Variants in SH3GL2 observed in about 807,000 individuals in gnomAD.
The protein encoded by SH3GL2 is endophilin-A1.
In SH3GL2, 24 loss-of-function variants were observed where a neutral mutation model predicts 46.0. The observed-to-expected ratio is 0.52, with a 90% confidence interval of 0.38 to 0.73. The LOEUF (loss-of-function observed/expected upper bound fraction) is 0.73. SH3GL2 is among the 30% of genes least tolerant of loss of function. The probability of loss-of-function intolerance (pLI) is 0.00; values close to 1 mark genes in which losing one functional copy is unlikely to be tolerated. For synonymous variants in SH3GL2, 196 were observed against 147.1 expected, an observed-to-expected ratio of 1.33 and a Z score of -2.40; for missense variants, 413 against 424.2, an observed-to-expected ratio of 0.97 and a Z score of 0.23.
chr9:17,661,684 A>C (rs1267717386), intron 1 of SH3GL2, among the ~76,000 whole-genome samples: 1 of 152,210 alleles, frequency 6.6e-6, no homozygotes, highest in Non-Finnish European at 1.5e-5. Flanking sequence ...GTATTGATGT[A>C]ATCTTTTTTT....
rs544546549 is a variant in SH3GL2, at chr9:17,630,216, A to G, written c.45+50929A>G. Reference sequence around the variant, plus strand: ...CTGGGTTTGTGGTAGTTAGAAAGCTATACAATACCTTTACCAGTCTTTTTG... The same window carrying G: ...CTGGGTTTGTGGTAGTTAGAAAGCTGTACAATACCTTTACCAGTCTTTTTG... On this transcript the variant is annotated intron_variant, in intron 1 of 8. Transcript: ENST00000380607. 2.6e-5 allele frequency: 4 copies of G among 152,356 alleles called. No homozygotes were observed. The South Asian group carries it at 6.2e-4, about 24-fold the overall frequency. 9.4% of individuals were successfully genotyped at this position (152,356 alleles called of 1,614,324 possible).
At chr9:17,628,474 A>G (rs542388464) in intron 1 of SH3GL2, among the ~76,000 whole-genome samples, 2 of 150,814 alleles carry the variant, frequency 1.3e-5, no homozygotes, top group Non-Finnish European at 3.0e-5. Context: ...ACATTTATCT[A>G]TTTGTGTAAG....
At chr9:17,787,618 G>C (rs1823998863) in intron 5 of SH3GL2, 105 bp downstream of exon 5, 2 of 857,684 alleles carry the variant, frequency 2.3e-6, no homozygotes, top group South Asian at 1.7e-5. Context: ...TGTGTTGTCA[G>C]CTCTGGGCAC....
rs571799118 is a variant in SH3GL2, at chr9:17,669,489, C to G, written c.46-77577C>G. On this transcript the variant is annotated intron_variant, in intron 1 of 8. Transcript: ENST00000380607. ...ATGTTCTCCATTTCTGTAATTTTGT[C>G]ATTTTAGTGGCATTAGAAAAGCAGA... 3.3e-5 allele frequency among the ~76,000 whole-genome samples: 5 copies of G among 152,240 alleles called. No homozygotes were observed. The South Asian group carries it at 1.0e-3, about 32-fold the overall frequency.
rs1358955476 is a variant in SH3GL2 at position 17,709,275 on chromosome 9, C to T, written c.46-37791C>T. ...AAGTCAGTCCTTTACAATATCCTGT[C>T]GTGGATGGAATAGACCACTCATGAA... On this transcript the variant is annotated intron_variant, in intron 1 of 8. Coordinates refer to ENST00000380607, the MANE Select transcript of SH3GL2 (RefSeq NM_003026.5). Among the ~76,000 whole-genome samples, 8 of 151,898 alleles carry T rather than the reference C, an allele frequency of 5.3e-5. No individual in the cohort carries two copies. The South Asian group carries it at 6.2e-4, about 12-fold the overall frequency.
intron 1 of SH3GL2, among the ~76,000 whole-genome samples, chr9:17,674,330 G>C (rs930382939): frequency 6.6e-6 from 1 of 152,072 alleles, no homozygotes. Flanking sequence ...GCAGTGGTGT[G>C]ATCTCAGCTC....
chr9:17,587,475 C>T (rs761583562), intron 1 of SH3GL2, among the ~76,000 whole-genome samples: 10 of 152,188 alleles, frequency 6.6e-5, no homozygotes, highest in Non-Finnish European at 1.5e-4. Context: ...TTGGGAACGG[C>T]ATAACTTTTC....
intron 1 of SH3GL2, among the ~76,000 whole-genome samples, chr9:17,743,209 G>A (rs1822578797): frequency 6.6e-6 from 1 of 152,106 alleles, no homozygotes; most frequent in Non-Finnish European, 1.5e-5. Flanking sequence ...TACTCCTAAG[G>A]AATGAGTCAG....
At chr9:17,778,971 A>G (rs193024814) in intron 3 of SH3GL2, among the ~76,000 whole-genome samples, 3 of 152,214 alleles carry the variant, frequency 2.0e-5, no homozygotes, top group East Asian at 1.9e-4. Context: ...TGAGAGGCCT[A>G]CACATCCTAG....
chr9:17,636,416 A>G (rs917123250), intron 1 of SH3GL2, among the ~76,000 whole-genome samples: 4 of 152,116 alleles, frequency 2.6e-5, no homozygotes, highest in Non-Finnish European at 4.4e-5. Flanking sequence ...TTCCTGCTAA[A>G]CTGTTTGTGT....
intron 1 of SH3GL2, among the ~76,000 whole-genome samples, chr9:17,639,593 A>G (rs1204756748): frequency 1.3e-5 from 2 of 152,346 alleles, no homozygotes; most frequent in African/African-American, 4.8e-5. Context: ...AAGTTGGAAA[A>G]CATTATGGTT....
intron 1 of SH3GL2, among the ~76,000 whole-genome samples, chr9:17,730,758 C>T (rs1407197279): frequency 6.6e-6 from 1 of 151,838 alleles, no homozygotes; most frequent in African/African-American, 2.4e-5. Flanking sequence ...ATCTAAGTTG[C>T]TCTAAATATG....
At chr9:17,744,127 C>G (rs1822613766) in intron 1 of SH3GL2, among the ~76,000 whole-genome samples, 1 of 152,118 alleles carries the variant, frequency 6.6e-6, no homozygotes, top group Non-Finnish European at 1.5e-5. Flanking sequence ...GGGAATTCAG[C>G]TAGATTAGAG....
chr9:17,616,290 C>T (rs1045598299), intron 1 of SH3GL2, among the ~76,000 whole-genome samples: 2 of 152,192 alleles, frequency 1.3e-5, no homozygotes, highest in African/African-American at 2.4e-5. Flanking sequence ...GTGATACACA[C>T]AGTGAGTCAG....
chr9:17,660,660 C>T (rs7044586), intron 1 of SH3GL2, among the ~76,000 whole-genome samples: 148,861 of 152,300 alleles, frequency 0.98, 72,764 homozygotes, highest in East Asian at 1. Context: ...TCACTTAATT[C>T]CTCCATTGCT....
chr9:17,757,200 C>T (rs9406694), intron 2 of SH3GL2, among the ~76,000 whole-genome samples: 1 of 152,088 alleles, frequency 6.6e-6, no homozygotes, highest in African/African-American at 2.4e-5. Flanking sequence ...CATAAAAACC[C>T]TAGAAGAAAA....
At chr9:17,681,553 C>T (rs1319645508) in intron 1 of SH3GL2, among the ~76,000 whole-genome samples, 1 of 152,080 alleles carries the variant, frequency 6.6e-6, no homozygotes, top group Non-Finnish European at 1.5e-5. Flanking sequence ...AAAGTTAACT[C>T]AAGATGGGTT....
chr9:17,681,001 G>T (rs1197757561), intron 1 of SH3GL2, among the ~76,000 whole-genome samples: 4 of 152,068 alleles, frequency 2.6e-5, no homozygotes, highest in Admixed American at 2.6e-4. Flanking sequence ...CAGACAGTTT[G>T]TTGTAATTTC....
rs1161585233 is a variant in SH3GL2 at position 17,689,256 on chromosome 9, C to CA, written c.46-57807dup. Among the ~76,000 whole-genome samples the CA allele has an allele frequency of 9.2e-5, 14 of 151,994 alleles. No homozygotes were observed. In the East Asian group the frequency reaches 2.3e-3, roughly 25 times the overall value. On this transcript the variant is annotated intron_variant, in intron 1 of 8. Transcript: ENST00000380607. ...TCAAAACTTTCAGGGTCATCAAAAA[C>CA]AAAGAAAAGTCTGAGAAACTGTCAA...
Sources: allele counts gnomAD v4.1 joint callset (sites outside exome capture counted in the v4.1 genomes callset), GRCh38; gene constraint gnomAD v4.1.1; transcripts MANE v1.5; gene names NCBI Gene and HGNC (gene_info 2026-07-23, HGNC 2026-07-21).